The following SLC24A3 variants were observed in gnomAD, a reference collection of about 807,000 sequenced individuals.
SLC24A3 encodes sodium/potassium/calcium exchanger 3.
Under a neutral mutation model 75.8 loss-of-function variants are expected in SLC24A3, and 28 were observed. The ratio of observed to expected loss-of-function variants is 0.37; its 90% CI spans 0.27 to 0.51. The LOEUF (loss-of-function observed/expected upper bound fraction) is 0.51. Among genes scored for constraint, SLC24A3 ranks in the 20% least tolerant of loss-of-function variants. The probability of loss-of-function intolerance (pLI) is 0.94; values close to 1 mark genes in which losing one functional copy is unlikely to be tolerated. For missense variants in SLC24A3, 663 were observed against 847.8 expected (o/e 0.78, Z 2.71); for synonymous variants, 372 against 334.1 (o/e 1.11, Z -1.24).
At chr20:19,293,349 C>T (rs1037803961) in intron 2 of SLC24A3, among the ~76,000 whole-genome samples, 17 of 151,998 alleles carry the variant, frequency 1.1e-4, no homozygotes, top group African/African-American at 3.9e-4. Context: ...ATTTTATGTT[C>T]GTGGCTCGGA....
intron 6 of SLC24A3, among the ~76,000 whole-genome samples, chr20:19,652,957 G>A (rs2032224898): frequency 6.6e-6 from 1 of 152,168 alleles, no homozygotes. Flanking sequence ...GTGGCCATGG[G>A]GTAGTCGATA....
At chr20:19,262,136 G>C (rs1162799780) in intron 1 of SLC24A3, among the ~76,000 whole-genome samples, 2 of 152,148 alleles carry the variant, frequency 1.3e-5, no homozygotes, top group Non-Finnish European at 2.9e-5. Context: ...GGGCGCGGTG[G>C]CTCACGCCTG....
intron 1 of SLC24A3, among the ~76,000 whole-genome samples, chr20:19,273,302 C>G (rs1287549850): frequency 1.3e-5 from 2 of 152,322 alleles, no homozygotes; most frequent in African/African-American, 2.4e-5. Flanking sequence ...TCTTTGCCCT[C>G]CCATAGGGGA....
At chr20:19,403,429 G>A (rs73128606) in intron 2 of SLC24A3, among the ~76,000 whole-genome samples, 5,074 of 152,164 alleles carry the variant, frequency 0.033, 118 homozygotes, top group Non-Finnish European at 0.046. Context: ...TACATATGAG[G>A]TCAACTCTGG....
At chr20:19,319,819 C>T (rs1364349682) in intron 2 of SLC24A3, among the ~76,000 whole-genome samples, 9 of 152,168 alleles carry the variant, frequency 5.9e-5, no homozygotes, top group Admixed American at 2.6e-4. Flanking sequence ...ATTTTAACAG[C>T]TGGTACACCT....
chr20:19,351,232 G>A (rs1335823841), intron 2 of SLC24A3, among the ~76,000 whole-genome samples: 1 of 152,168 alleles, frequency 6.6e-6, no homozygotes, highest in Non-Finnish European at 1.5e-5. Context: ...TTTCCCTTCA[G>A]GTTGTTGGAT....
At chr20:19,708,545 T>G (rs76768991) in intron 15 of SLC24A3, among the ~76,000 whole-genome samples, 1,598 of 152,314 alleles carry the variant, frequency 0.01, 29 homozygotes, top group African/African-American at 0.036. Flanking sequence ...CCAACTCATA[T>G]AGCCTCCAGA....
At chr20:19,606,804 A>G (rs1419022889) in intron 6 of SLC24A3, among the ~76,000 whole-genome samples, 1 of 152,216 alleles carries the variant, frequency 6.6e-6, no homozygotes, top group South Asian at 2.1e-4. Flanking sequence ...ACTGGTGGTC[A>G]GAACAGGGTG....
At chr20:19,530,238 T>G (rs1568646029) in intron 3 of SLC24A3, among the ~76,000 whole-genome samples, 1 of 152,220 alleles carries the variant, frequency 6.6e-6, no homozygotes, top group African/African-American at 2.4e-5. Context: ...GGGCAGAGAC[T>G]TTTGTTTTCT....
chr20:19,633,439 G>T (rs1292360471), intron 6 of SLC24A3, among the ~76,000 whole-genome samples: 1 of 151,932 alleles, frequency 6.6e-6, no homozygotes, highest in Non-Finnish European at 1.5e-5. Context: ...CACGAGGTCA[G>T]GAGATCGAGA....
intron 2 of SLC24A3, among the ~76,000 whole-genome samples, chr20:19,437,485 G>A (rs1427688696): frequency 3.3e-5 from 5 of 152,150 alleles, no homozygotes; most frequent in African/African-American, 1.2e-4. Context: ...CCAGTCCTGC[G>A]TATTTCCTTA....
intron 1 of SLC24A3, among the ~76,000 whole-genome samples, chr20:19,218,064 A>G (rs184457250): frequency 4.6e-5 from 7 of 152,274 alleles, no homozygotes; most frequent in African/African-American, 1.4e-4. Context: ...CACTGGCCCC[A>G]TAGTAGGAGC....
intron 3 of SLC24A3, among the ~76,000 whole-genome samples, chr20:19,574,912 CA>C (rs1006998926): frequency 2.0e-5 from 3 of 152,094 alleles, no homozygotes; most frequent in Middle Eastern, 3.2e-3. Flanking sequence ...TTGCTTTTAG[CA>C]GCTGCTTGTG....
intron 15 of SLC24A3, among the ~76,000 whole-genome samples, chr20:19,715,487 C>T (rs1419558805): frequency 6.6e-6 from 1 of 152,190 alleles, no homozygotes; most frequent in African/African-American, 2.4e-5. Flanking sequence ...GGCAGGGAAG[C>T]ATGTTCCAGC....
At chr20:19,227,989 A>C (rs1166658930) in intron 1 of SLC24A3, among the ~76,000 whole-genome samples, 1 of 152,158 alleles carries the variant, frequency 6.6e-6, no homozygotes, top group Admixed American at 6.5e-5. Context: ...CATTTGATAA[A>C]GGCTTTTAAA....
chr20:19,278,773 T>G (rs577035311), intron 1 of SLC24A3, among the ~76,000 whole-genome samples: 5 of 152,334 alleles, frequency 3.3e-5, no homozygotes, highest in Admixed American at 1.3e-4. Context: ...CTCCATTTTT[T>G]GGGGAAAAAA....
intron 2 of SLC24A3, among the ~76,000 whole-genome samples, chr20:19,317,342 G>A (rs985435998): frequency 6.6e-6 from 1 of 152,190 alleles, no homozygotes; most frequent in Non-Finnish European, 1.5e-5. Context: ...GTGAGCTACC[G>A]GTGACTGGGC....
chr20:19,325,830 AGAGAGAGAGG>A (rs567621482), intron 2 of SLC24A3, among the ~76,000 whole-genome samples: 2,333 of 104,966 alleles, frequency 0.022, 123 homozygotes, highest in African/African-American at 0.042. Context: ...AGAGAGAGAG[AGAGAGAGAGG>A]GAGACATCTG....
At chr20:19,216,551 G>T (rs6045911) in intron 1 of SLC24A3, among the ~76,000 whole-genome samples, 13,979 of 152,052 alleles carry the variant, frequency 0.092, 1,094 homozygotes, top group African/African-American at 0.22. Flanking sequence ...TGAGGTTGCA[G>T]TGAGCCATCA....
Sources: gnomAD v4.1 joint callset for allele counts (sites outside exome capture counted in the v4.1 genomes callset) on GRCh38, gnomAD v4.1.1 for gene constraint, MANE v1.5 for transcripts, NCBI Gene and HGNC (gene_info 2026-07-23, HGNC 2026-07-21) for gene names.